ST6GALNAC3: variants seen among roughly 807,000 people sequenced by gnomAD.
ST6GALNAC3 encodes ST6 N-acetylgalactosaminide alpha-2,6-sialyltransferase 3.
ST6GALNAC3 carries 25 observed loss-of-function variants against 32.7 expected under a neutral mutation model. That is an observed-to-expected ratio of 0.76 (90% CI 0.56 to 1.07). ST6GALNAC3 has a LOEUF of 1.07. ST6GALNAC3 is among the 50% of genes least tolerant of loss of function. ST6GALNAC3 has a pLI of 0.00. For synonymous variants in ST6GALNAC3, 129 were observed against 133.1 expected (o/e 0.97, Z 0.21); for missense variants, 355 against 382.4 (o/e 0.93, Z 0.60).
intron 3 of ST6GALNAC3, among the ~76,000 whole-genome samples, chr1:76,615,021 T>C (rs1173694534): frequency 1.3e-5 from 2 of 152,032 alleles, no homozygotes; most frequent in Non-Finnish European, 2.9e-5. Flanking sequence ...TTGTACCCTA[T>C]AGGAGATTTT....
intron 3 of ST6GALNAC3, among the ~76,000 whole-genome samples, chr1:76,472,896 AG>A (rs1306043221): frequency 6.6e-6 from 1 of 152,108 alleles, no homozygotes; most frequent in African/African-American, 2.4e-5. Flanking sequence ...GGGGAAAAGA[AG>A]TGGCTCTCGG....
intron 1 of ST6GALNAC3, among the ~76,000 whole-genome samples, chr1:76,307,424 C>A (rs988720505): frequency 6.6e-6 from 1 of 152,100 alleles, no homozygotes; most frequent in Admixed American, 6.6e-5. Context: ...CAAGATAGAA[C>A]TATAACATAT....
chr1:76,234,781 A>G (rs559627974), intron 1 of ST6GALNAC3, among the ~76,000 whole-genome samples: 8 of 152,320 alleles, frequency 5.3e-5, no homozygotes, highest in South Asian at 2.1e-4. Flanking sequence ...TCTAGGATCA[A>G]TTTATCAGGA....
intron 3 of ST6GALNAC3, among the ~76,000 whole-genome samples, chr1:76,449,951 T>C (rs79720948): frequency 0.018 from 2,721 of 152,266 alleles, 78 homozygotes; most frequent in African/African-American, 0.062. Context: ...TGTGTAGTCT[T>C]TTATCTCTCA....
chr1:76,155,959 C>CTTACCTT (rs1651386802), intron 1 of ST6GALNAC3, among the ~76,000 whole-genome samples: 1 of 152,022 alleles, frequency 6.6e-6, no homozygotes, highest in Non-Finnish European at 1.5e-5. Flanking sequence ...CCCAGGATAC[C>CTTACCTT]GCCTTACCTT....
chr1:76,307,792 T>C (rs1193865226), intron 1 of ST6GALNAC3: 6 of 302,494 alleles, frequency 2.0e-5, no homozygotes, highest in Admixed American at 1.1e-4. Flanking sequence ...TAAAAACATA[T>C]ACATATTAAT....
intron 1 of ST6GALNAC3, among the ~76,000 whole-genome samples, chr1:76,126,177 A>G (rs1649227287): frequency 6.6e-6 from 1 of 152,198 alleles, no homozygotes; most frequent in Admixed American, 6.5e-5. Context: ...TTCAAGAGAA[A>G]CAACCACAAA....
At chr1:76,277,553 TATATATATATATATACACACACAC>T (rs1659216057) in intron 1 of ST6GALNAC3, among the ~76,000 whole-genome samples, 1 of 42,740 alleles carries the variant, frequency 2.3e-5, no homozygotes, top group South Asian at 6.9e-4. Context: ...TATATATATA[TATATATATATATATACACACACAC>T]ATATGTTTAT....
chr1:76,328,484 A>C (rs1350172001), intron 2 of ST6GALNAC3, among the ~76,000 whole-genome samples: 1 of 152,140 alleles, frequency 6.6e-6, no homozygotes, highest in Non-Finnish European at 1.5e-5. Context: ...TGATGAATTG[A>C]CCTCATATTT....
chr1:76,601,384 T>C (rs1371233304), intron 3 of ST6GALNAC3, among the ~76,000 whole-genome samples: 1 of 152,154 alleles, frequency 6.6e-6, no homozygotes, highest in Non-Finnish European at 1.5e-5. Flanking sequence ...TATTTTCAGA[T>C]GAATAAAGGA....
intron 3 of ST6GALNAC3, among the ~76,000 whole-genome samples, chr1:76,616,667 TGC>T (rs1648312360): frequency 6.6e-6 from 1 of 152,212 alleles, no homozygotes. Context: ...AAATTCTAAA[TGC>T]CTGCAGATCC....
chr1:76,205,913 C>A (rs983593029), intron 1 of ST6GALNAC3, among the ~76,000 whole-genome samples: 2 of 152,128 alleles, frequency 1.3e-5, no homozygotes, highest in East Asian at 1.9e-4. Flanking sequence ...AATGAAGTTG[C>A]CCTCATGATT....
chr1:76,137,771 C>G (rs1031939092), intron 1 of ST6GALNAC3, among the ~76,000 whole-genome samples: 6 of 152,146 alleles, frequency 3.9e-5, no homozygotes, highest in African/African-American at 1.4e-4. Flanking sequence ...GAGATTCTAT[C>G]ACTTACCCAA....
At chr1:76,086,618 TA>T (rs1456583927) in intron 1 of ST6GALNAC3, among the ~76,000 whole-genome samples, 1 of 152,180 alleles carries the variant, frequency 6.6e-6, no homozygotes, top group Non-Finnish European at 1.5e-5. Context: ...CAGGGATCGT[TA>T]GCTAGAATGT....
chr1:76,075,841 C>T (rs2100706577), intron 1 of ST6GALNAC3, among the ~76,000 whole-genome samples: 2 of 152,216 alleles, frequency 1.3e-5, no homozygotes, highest in Middle Eastern at 3.4e-3. Context: ...CCTGGGGGAA[C>T]TGTGTGACGA....
intron 2 of ST6GALNAC3, among the ~76,000 whole-genome samples, chr1:76,357,198 A>G (rs1024299712): frequency 1.4e-4 from 17 of 124,096 alleles, no homozygotes; most frequent in African/African-American, 5.1e-4. Flanking sequence ...GCAGTGGCAT[A>G]ATCTCAACTC....
At chr1:76,088,577 A>T (rs1330584266) in intron 1 of ST6GALNAC3, among the ~76,000 whole-genome samples, 2 of 152,150 alleles carry the variant, frequency 1.3e-5, no homozygotes, top group Non-Finnish European at 2.9e-5. Flanking sequence ...AATGCCAGGC[A>T]GCTTTCCTTC....
At chr1:76,325,419 C>T (rs1647049183) in intron 2 of ST6GALNAC3, among the ~76,000 whole-genome samples, 1 of 152,078 alleles carries the variant, frequency 6.6e-6, no homozygotes, top group African/African-American at 2.4e-5. Context: ...TACTTACACA[C>T]TATAACAGTT....
At chr1:76,518,065 G>A (rs1445854984) in intron 3 of ST6GALNAC3, among the ~76,000 whole-genome samples, 3 of 151,648 alleles carry the variant, frequency 2.0e-5, no homozygotes, top group Non-Finnish European at 4.4e-5. Context: ...GTTTATTTCT[G>A]ACTACTTCAT....
Sources: gnomAD v4.1 joint callset for allele counts (sites outside exome capture counted in the v4.1 genomes callset) on GRCh38, gnomAD v4.1.1 for gene constraint, MANE v1.5 for transcripts, NCBI Gene and HGNC (gene_info 2026-07-23, HGNC 2026-07-21) for gene names.